Variants in CWH43 observed in about 807,000 individuals in gnomAD.
CWH43 encodes PGAP2-interacting protein.
In CWH43, 91 loss-of-function variants were observed where a neutral mutation model predicts 85.7. The ratio of observed to expected loss-of-function variants is 1.06; its 90% CI spans 0.90 to 1.26. The LOEUF (loss-of-function observed/expected upper bound fraction) is 1.26. Ranked by LOEUF, CWH43 falls within the 50% of genes most tolerant of loss-of-function variation. CWH43 has a pLI of 0.00. For missense variants in CWH43, 869 were observed against 839.2 expected (o/e 1.04, Z -0.44); for synonymous variants, 323 against 293.6 (o/e 1.10, Z -1.02).
intron 13 of CWH43, among the ~76,000 whole-genome samples, chr4:49,042,235 C>G (rs1336191241): frequency 1.3e-5 from 2 of 152,030 alleles, no homozygotes; most frequent in Non-Finnish European, 2.9e-5. Context: ...GACCCGGGTT[C>G]CTCACCATGG....
At chr4:49,010,677 C>T (rs1783328484) in intron 8 of CWH43, among the ~76,000 whole-genome samples, 1 of 152,188 alleles carries the variant, frequency 6.6e-6, no homozygotes, top group Non-Finnish European at 1.5e-5. Flanking sequence ...TACATTGTGT[C>T]TTTGTTCTCA....
intron 9 of CWH43, among the ~76,000 whole-genome samples, chr4:49,027,209 G>T (rs1405624895): frequency 2.6e-5 from 4 of 152,148 alleles, no homozygotes; most frequent in Admixed American, 2.6e-4. Flanking sequence ...AAGTAGAGTT[G>T]GAGATAAATG....
intron 3 of CWH43, 82 bp downstream of exon 3, chr4:48,991,656 T>G: frequency 6.6e-7 from 1 of 1,506,066 alleles, no homozygotes; most frequent in Non-Finnish European, 9.0e-7. Context: ...GAGTTCCAGG[T>G]TATAGTTTTT....
At chr4:49,028,944 C>T (rs954111690) in intron 10 of CWH43, among the ~76,000 whole-genome samples, 3 of 152,114 alleles carry the variant, frequency 2.0e-5, no homozygotes, top group African/African-American at 7.2e-5. Flanking sequence ...TGTTTGAGAG[C>T]AATTAATTCA....
chr4:48,987,469 T>C (rs1194492990), intron 1 of CWH43, among the ~76,000 whole-genome samples: 2 of 152,198 alleles, frequency 1.3e-5, no homozygotes. Flanking sequence ...TGCTTAGAGT[T>C]AGGGCAACTC....
At position 49,050,513 on chromosome 4, in the gene CWH43, T is replaced by C. The variant is rs541346785; in HGVS notation, c.1866-181T>C. On this transcript the variant is annotated intron_variant, in intron 14 of 15. Coordinates refer to ENST00000226432, the MANE Select transcript of CWH43 (RefSeq NM_025087.3). ...TATGTACATATTCTTTATTCATTTA[T>C]ATCATAAAAGCAATATTTTGCCAAT... Among the ~76,000 whole-genome samples the C allele has an allele frequency of 2.0e-5, 3 of 152,358 alleles. No homozygotes were observed. In the South Asian group the frequency reaches 6.2e-4, roughly 32 times the overall value.
chr4:49,056,508 T>C (rs571023590), intron 15 of CWH43, among the ~76,000 whole-genome samples: 1 of 152,298 alleles, frequency 6.6e-6, no homozygotes, highest in African/African-American at 2.4e-5. Flanking sequence ...GTGGTATCAG[T>C]TGTAACATCT....
rs762549873 is a variant in CWH43 at position 48,994,837 on chromosome 4, A to C, written c.713+17A>C. ...CCCATTTGGGTGAGTTTGGGTTTGG[A>C]AGCAATCACAAAATCGGCAGTTATG... is the stretch of plus-strand genomic sequence containing the variant. On this transcript the variant is annotated intron_variant, in intron 5 of 15. Coordinates refer to ENST00000226432, the MANE Select transcript of CWH43 (RefSeq NM_025087.3). 1 of 1,610,492 alleles carries C rather than the reference A, an allele frequency of 6.2e-7. No individual in the cohort carries two copies. The highest frequency in any genetic ancestry group is 8.5e-7 in the Non-Finnish European group (1 of 1,177,424).
intron 8 of CWH43, among the ~76,000 whole-genome samples, chr4:49,008,442 G>A (rs1783241050): frequency 6.6e-6 from 1 of 151,906 alleles, no homozygotes; most frequent in South Asian, 2.1e-4. Flanking sequence ...TCACTCTGAT[G>A]GTAGTTTCTT....
At chr4:48,987,985 A>G (rs1028559777) in intron 1 of CWH43, among the ~76,000 whole-genome samples, 1 of 152,130 alleles carries the variant, frequency 6.6e-6, no homozygotes, top group African/African-American at 2.4e-5. Context: ...CGGGATGCCA[A>G]ATTCAACTCA....
At chr4:49,056,034 T>C (rs1784946184) in intron 15 of CWH43, among the ~76,000 whole-genome samples, 1 of 147,222 alleles carries the variant, frequency 6.8e-6, no homozygotes, top group African/African-American at 2.5e-5. Context: ...CATCTAGCAT[T>C]AGGTATATCT....
At chr4:49,044,693 G>A (rs1784567013) in intron 13 of CWH43, 93 bp from the exon 14 acceptor site, 1 of 920,320 alleles carries the variant, frequency 1.1e-6, no homozygotes, top group Non-Finnish European at 1.7e-6. Flanking sequence ...TGTACAAAGA[G>A]ATATTTATCA....
rs536893270 is a variant in CWH43, at chr4:49,037,978, G to A, written c.1659-58G>A. The A allele has an allele frequency of 6.0e-6, 9 of 1,505,072 alleles. No individual in the cohort carries two copies. The South Asian group carries it at 1.1e-4, about 18-fold the overall frequency. 93.2% of individuals were successfully genotyped at this position (1,505,072 alleles called of 1,614,324 possible). Reference sequence around the variant, plus strand: ...AGTCTTTGGCAACTTAGGTACCTAAGGCTTTTTAAAGTTTGTTTTACAAAT... The same window carrying A: ...AGTCTTTGGCAACTTAGGTACCTAAAGCTTTTTAAAGTTTGTTTTACAAAT... On this transcript the variant is annotated intron_variant, in intron 12 of 15. Coordinates refer to ENST00000226432, the MANE Select transcript of CWH43 (RefSeq NM_025087.3).
chr4:48,989,296 G>T (rs1399003618), intron 2 of CWH43, among the ~76,000 whole-genome samples: 1 of 152,164 alleles, frequency 6.6e-6, no homozygotes, highest in South Asian at 2.1e-4. Flanking sequence ...AGTTTGACAA[G>T]TAGATTGGCA....
At chr4:49,046,208 G>A (rs1784617656) in intron 14 of CWH43, among the ~76,000 whole-genome samples, 1 of 152,088 alleles carries the variant, frequency 6.6e-6, no homozygotes, top group African/African-American at 2.4e-5. Context: ...ATACAGCTGA[G>A]ATTTTAAAAT....
chr4:49,057,188 G>T (rs554426217), intron 15 of CWH43, among the ~76,000 whole-genome samples: 1 of 152,186 alleles, frequency 6.6e-6, no homozygotes, highest in South Asian at 2.1e-4. Flanking sequence ...ACAGCCTCAG[G>T]AGGTCCTGAC....
At chr4:49,045,227 C>T (rs1469096981) in intron 14 of CWH43, among the ~76,000 whole-genome samples, 1 of 152,088 alleles carries the variant, frequency 6.6e-6, no homozygotes. Flanking sequence ...GCCTTGCCAG[C>T]TTCTAATCAA....
rs1782564736 is a variant in CWH43 at position 48,988,651 on chromosome 4, T to G, written c.218T>G (p.Leu73Arg). ...LVNKKWMLTL[L>R]RIITIGSIAS... ...AACAAGAAGTGGATGCTAACCCTGCTGAGGATAATCACTATTGGTAAGATT... is the reference window on the plus strand; with the variant it reads ...AACAAGAAGTGGATGCTAACCCTGCGGAGGATAATCACTATTGGTAAGATT... The change falls in exon 2 of 16, where the codon CTG (leucine) becomes CGG (arginine). Residue 73 changes from leucine (L) to arginine (R), a missense_variant. Physicochemically the swap from Leu to Arg is moderately radical, Grantham distance 102. This residue lies in a region of CWH43 where 140 missense variants were observed against 122.6 expected (regional missense o/e 1.14). Coordinates refer to ENST00000226432, the MANE Select transcript of CWH43 (RefSeq NM_025087.3). 6.2e-7 allele frequency: 1 copy of G among 1,605,742 alleles called. No individual in the cohort carries two copies. Among genetic ancestry groups the G allele is most frequent in the Non-Finnish European group, 8.5e-7 (1 of 1,176,414 alleles).
chr4:49,041,806 G>A (rs1308766690), intron 13 of CWH43, among the ~76,000 whole-genome samples: 1 of 152,152 alleles, frequency 6.6e-6, no homozygotes, highest in Non-Finnish European at 1.5e-5. Flanking sequence ...TAAAGAAGGG[G>A]CCAAGAGCAT....
Sources: allele counts gnomAD v4.1 joint callset (sites outside exome capture counted in the v4.1 genomes callset), GRCh38; gene constraint gnomAD v4.1.1; regional missense constraint gnomAD v4.1.1; transcripts MANE v1.5; gene names NCBI Gene and HGNC (gene_info 2026-07-23, HGNC 2026-07-21).